OSBP: variants seen among roughly 807,000 people sequenced by gnomAD.
The protein encoded by OSBP is oxysterol-binding protein 1.
In OSBP, 32 loss-of-function variants were observed where a neutral mutation model predicts 96.6. The ratio of observed to expected loss-of-function variants is 0.33; its 90% confidence interval spans 0.25 to 0.45. OSBP has a LOEUF of 0.45. Among genes scored for constraint, OSBP ranks in the 20% least tolerant of loss-of-function variants. OSBP has a pLI of 1.00. For synonymous variants in OSBP, 369 were observed against 389.6 expected, an observed-to-expected ratio of 0.95 and a Z score of 0.62; for missense variants, 653 against 1,029.7, an observed-to-expected ratio of 0.63 and a Z score of 5.01.
intron 9 of OSBP, among the ~76,000 whole-genome samples, chr11:59,588,641 T>A (rs1860533177): frequency 6.6e-6 from 1 of 152,138 alleles, no homozygotes; most frequent in Non-Finnish European, 1.5e-5. Flanking sequence ...ACATTATGTA[T>A]TTAATACCAC....
At chr11:59,597,698 C>A (rs1860675783) in intron 7 of OSBP, among the ~76,000 whole-genome samples, 1 of 152,072 alleles carries the variant, frequency 6.6e-6, no homozygotes, top group Non-Finnish European at 1.5e-5. Context: ...CATAACCATG[C>A]TGGCTAACTT....
intron 2 of OSBP, among the ~76,000 whole-genome samples, chr11:59,609,643 T>C (rs976382398): frequency 4.6e-5 from 7 of 152,164 alleles, no homozygotes; most frequent in East Asian, 1.9e-4. Flanking sequence ...GGGGATAAGA[T>C]AACAAAGTCA....
At chr11:59,593,123 G>A (rs1284103163) in intron 9 of OSBP, among the ~76,000 whole-genome samples, 1 of 152,074 alleles carries the variant, frequency 6.6e-6, no homozygotes, top group Non-Finnish European at 1.5e-5. Flanking sequence ...TTAAAATAAA[G>A]TTTCAGTGAC....
At position 59,606,982 on chromosome 11, in the gene OSBP, G is replaced by C. The variant is rs1167708322; in HGVS notation, c.822+1502C>G. 2.6e-5 allele frequency among the ~76,000 whole-genome samples: 4 copies of C among 152,066 alleles called. No homozygotes were observed. The East Asian group carries it at 5.8e-4, about 22-fold the overall frequency. The stretch of plus-strand genomic sequence containing the variant: ...CTTTAACACAAACTCTGGACACTTA[G>C]AACTTAGGGAAGAATTTCCCCAAGG... On this transcript the variant is annotated intron_variant, in intron 3 of 13. Coordinates refer to ENST00000263847, the MANE Select transcript of OSBP (RefSeq NM_002556.3).
chr11:59,615,721 C>T lies in OSBP; in HGVS notation c.-57G>A. 8.0e-7 allele frequency: 1 copy of T among 1,250,046 alleles called. No individual in the cohort carries two copies. The highest frequency in any genetic ancestry group is 1.0e-6 in the Non-Finnish European group (1 of 997,184). The allele number at this position is 1,250,046 out of a possible 1,614,324, so 77.4% of individuals were successfully genotyped here. On this transcript the variant is annotated 5_prime_UTR_variant, in exon 1 of 14. Coordinates refer to ENST00000263847, the MANE Select transcript of OSBP (RefSeq NM_002556.3). ...AACCGCCTACGAGAGCCGCCGTCGC[C>T]GCCCGGAGCGCCCCACACGGCTACC...
At chr11:59,604,325 G>C (rs1860754136) in intron 3 of OSBP, among the ~76,000 whole-genome samples, 1 of 152,136 alleles carries the variant, frequency 6.6e-6, no homozygotes, top group Non-Finnish European at 1.5e-5. Flanking sequence ...GACAGAAGGA[G>C]TACCTGAGAC....
chr11:59,614,204 T>A (rs941639540), intron 1 of OSBP, among the ~76,000 whole-genome samples: 3 of 152,240 alleles, frequency 2.0e-5, no homozygotes, highest in Non-Finnish European at 4.4e-5. Flanking sequence ...ACCTGAGTTT[T>A]AGGTTAGATT....
chr11:59,593,921 T>C, intron 8 of OSBP, 89 bp downstream of exon 8: 1 of 1,514,662 alleles, frequency 6.6e-7, no homozygotes, highest in African/African-American at 1.4e-5. Context: ...GGGACTAGAA[T>C]TTCTGCAAAC....
Position 59,615,581 on chromosome 11 carries a change from TG to T in OSBP, c.83del (p.Pro28GlnfsTer85). ...CGCGGCCGCCGCCTCCTCCCACCAC[TG>T]GGGGACCGGCGCCGCCGCCGCCAAG... is the stretch of plus-strand genomic sequence containing the variant. The part of the protein sequence containing the change: ...AALGGGGAGP[P>X]VVGGGGGRGD... On this transcript the variant is annotated frameshift_variant, in exon 1 of 14. Transcript: ENST00000263847. LOFTEE classifies it high-confidence loss of function. 2.2e-6 allele frequency: 3 copies of T among 1,373,782 alleles called. No individual in the cohort carries two copies. Among genetic ancestry groups the T allele is most frequent in the South Asian group, 1.6e-5 (1 of 61,706 alleles). 85.1% of individuals were successfully genotyped at this position (1,373,782 alleles called of 1,614,324 possible). A position where few individuals can be genotyped will look rare whatever the true frequency, so the allele number is the denominator to read the frequency against.
At chr11:59,605,535 C>A (rs1177369505) in intron 3 of OSBP, among the ~76,000 whole-genome samples, 5 of 152,084 alleles carry the variant, frequency 3.3e-5, no homozygotes, top group African/African-American at 9.7e-5. Context: ...GCCTCAGTCA[C>A]CATGTCTGGC....
chr11:59,614,714 G>C (rs939027961), intron 1 of OSBP, among the ~76,000 whole-genome samples: 1 of 152,206 alleles, frequency 6.6e-6, no homozygotes, highest in Non-Finnish European at 1.5e-5. Context: ...GCTGTCCAGA[G>C]GCCAAAGCAC....
intron 10 of OSBP, among the ~76,000 whole-genome samples, chr11:59,580,645 T>C (rs576614004): frequency 1.3e-4 from 20 of 152,222 alleles, no homozygotes; most frequent in Non-Finnish European, 2.2e-4. Flanking sequence ...ATGGTCGGCC[T>C]TTCTATACTT....
chr11:59,579,300 C>T (rs1273502555), intron 11 of OSBP, among the ~76,000 whole-genome samples: 1 of 151,728 alleles, frequency 6.6e-6, no homozygotes, highest in Non-Finnish European at 1.5e-5. Context: ...TTTATTAGTC[C>T]TTCCTCTGTG....
At chr11:59,592,554 T>C (rs1012513763) in intron 9 of OSBP, among the ~76,000 whole-genome samples, 1 of 152,244 alleles carries the variant, frequency 6.6e-6, no homozygotes, top group African/African-American at 2.4e-5. Flanking sequence ...ACTTGTTTTC[T>C]CTAACTGCTT....
chr11:59,610,346 G>T (rs767721999), intron 2 of OSBP, 35 bp downstream of exon 2: 2 of 1,586,494 alleles, frequency 1.3e-6, no homozygotes, highest in East Asian at 2.2e-5. Context: ...GGGGCAAAAA[G>T]AAAGTTCCCC....
rs1464994985 is a variant in OSBP at position 59,584,851 on chromosome 11, T to C, written c.1679-3297A>G. On this transcript the variant is annotated intron_variant, in intron 9 of 13. Transcript: ENST00000263847. ...CAAGATGGAAAGAAAGAGATAAAAT[T>C]ATCTGTGTTTGCAGATATGATCTCA... 2.6e-5 allele frequency among the ~76,000 whole-genome samples: 4 copies of C among 152,104 alleles called. No homozygotes were observed. In the East Asian group the frequency reaches 7.7e-4, roughly 29 times the overall value.
chr11:59,574,625 T>C lies in OSBP; in HGVS notation c.*1952A>G, dbSNP rs918470929. The C allele has an allele frequency of 7.3e-5, 11 of 151,514 alleles. No individual in the cohort carries two copies. The highest frequency in any genetic ancestry group is 1.3e-4 in the Admixed American group (2 of 15,186). 9.4% of individuals were successfully genotyped at this position (151,514 alleles called of 1,614,324 possible). On this transcript the variant is annotated 3_prime_UTR_variant, in exon 14 of 14. Coordinates refer to ENST00000263847, the MANE Select transcript of OSBP (RefSeq NM_002556.3). ...GATAAAGCAGAGAAGTCCAATTTAGTTGGGGAATTCTCACTCTATCCAAAG... is the reference window on the plus strand; with the variant it reads ...GATAAAGCAGAGAAGTCCAATTTAGCTGGGGAATTCTCACTCTATCCAAAG...
chr11:59,578,242 T>C lies in OSBP; in HGVS notation c.1967A>G (p.Gln656Arg). 1.2e-6 allele frequency: 2 copies of C among 1,614,184 alleles called. No homozygotes were observed. Among genetic ancestry groups the C allele is most frequent in the Non-Finnish European group, 1.7e-6 (2 of 1,180,020 alleles). Residue 656 changes from glutamine (Q) to arginine (R), a missense_variant, in exon 12 of 14, where the codon CAG becomes CGG. Transcript: ENST00000263847. ...ACCCCCATTTTCCCCAATGACTGGC[T>C]GTACTTTGAAACATTCCATTTTCTC... is the stretch of plus-strand genomic sequence containing the variant. ...WDEKMECFKVQPVIGENGGDA... is the reference protein window; with the variant it reads ...WDEKMECFKVRPVIGENGGDA...
At chr11:59,593,845 A>G (rs1482132493) in intron 8 of OSBP, 121 bp from the exon 9 acceptor site, 2 of 1,456,960 alleles carry the variant, frequency 1.4e-6, no homozygotes, top group East Asian at 4.7e-5. Flanking sequence ...CAGTAGGTGA[A>G]TCCCAGAACC....
Sources: allele counts gnomAD v4.1 joint callset (sites outside exome capture counted in the v4.1 genomes callset), GRCh38; gene constraint gnomAD v4.1.1; transcripts MANE v1.5; gene names NCBI Gene and HGNC (gene_info 2026-07-23, HGNC 2026-07-21).